Variants in SPDEF observed in about 807,000 individuals in gnomAD.
SPDEF encodes the protein SAM pointed domain containing ETS transcription factor, also known as SAM pointed domain-containing Ets transcription factor.
In SPDEF, 12 loss-of-function variants were observed where a neutral mutation model predicts 36.0. That is an observed-to-expected ratio of 0.33 (90% CI 0.21 to 0.54). SPDEF has a LOEUF of 0.54. Among genes scored for constraint, SPDEF ranks in the 20% least tolerant of loss-of-function variants. SPDEF has a pLI of 0.93. For synonymous variants in SPDEF, 205 were observed against 193.0 expected, an observed-to-expected ratio of 1.06 and a Z score of -0.51; for missense variants, 388 against 456.9, an observed-to-expected ratio of 0.85 and a Z score of 1.37.
chr6:34,552,495 G>T lies in SPDEF; in HGVS notation c.-30+3434C>A, dbSNP rs1359048933. On this transcript the variant is annotated intron_variant, in intron 1 of 5. Transcript: ENST00000374037. This position sits in a 1 kb window ranked among gnomAD's most constrained non-coding sequence, Gnocchi z 4.6. Reference sequence around the variant, plus strand: ...AGAAGGCTTCACTGTCTCCCGAGAGGTGTGTGTCCACAGTGGTGACTGCTG... The same window carrying T: ...AGAAGGCTTCACTGTCTCCCGAGAGTTGTGTGTCCACAGTGGTGACTGCTG... Among the ~76,000 whole-genome samples, 1 of 152,232 alleles carries T rather than the reference G, an allele frequency of 6.6e-6. No individual in the cohort carries two copies. Among genetic ancestry groups the T allele is most frequent in the Non-Finnish European group, 1.5e-5 (1 of 68,044 alleles).
intron 1 of SPDEF, among the ~76,000 whole-genome samples, chr6:34,553,955 G>A (rs904096556): frequency 9.7e-5 from 12 of 123,478 alleles, no homozygotes; most frequent in African/African-American, 3.1e-4. Flanking sequence ...CCAGGAGACC[G>A]GCTGGCAAAT....
At chr6:34,545,725 C>T (rs1486058855) in intron 1 of SPDEF, among the ~76,000 whole-genome samples, 2 of 152,132 alleles carry the variant, frequency 1.3e-5, no homozygotes, top group East Asian at 3.9e-4. Flanking sequence ...GCCTGGCCAA[C>T]ATGGTGAAAC....
intron 2 of SPDEF, among the ~76,000 whole-genome samples, chr6:34,543,763 C>A (rs374137071): frequency 1.3e-5 from 2 of 152,176 alleles, no homozygotes; most frequent in Non-Finnish European, 2.9e-5. Flanking sequence ...GTGGGGGACA[C>A]AGAGCTTGAA....
At chr6:34,549,361 G>T (rs1487914949) in intron 1 of SPDEF, among the ~76,000 whole-genome samples, 1 of 152,178 alleles carries the variant, frequency 6.6e-6, no homozygotes, top group Non-Finnish European at 1.5e-5. Context: ...ATTCCCCCAG[G>T]AAGGAAGATT....
At chr6:34,540,505 T>C (rs1767794516) in intron 3 of SPDEF, among the ~76,000 whole-genome samples, 1 of 150,960 alleles carries the variant, frequency 6.6e-6, no homozygotes, top group African/African-American at 2.4e-5. Context: ...CTTGTAACAG[T>C]GGTTCCCTCT....
chr6:34,539,138 G>A lies in SPDEF; in HGVS notation c.829+112C>T, dbSNP rs1767758535. On this transcript the variant is annotated intron_variant, in intron 5 of 5. Transcript: ENST00000374037. This position sits in a 1 kb window ranked among gnomAD's most constrained non-coding sequence, Gnocchi z 5.2. ...TATTTGGCATCTAGGACAAAGGTGG[G>A]GATCAGCTTCACCCCTCTGCCCGCC... The A allele has an allele frequency of 7.9e-7, 1 of 1,273,418 alleles. No homozygotes were observed. Among genetic ancestry groups the A allele is most frequent in the African/African-American group, 1.5e-5 (1 of 67,424 alleles). 78.9% of individuals were successfully genotyped at this position (1,273,418 alleles called of 1,614,324 possible).
At chr6:34,546,552 A>C (rs1327075261) in intron 1 of SPDEF, among the ~76,000 whole-genome samples, 3 of 152,130 alleles carry the variant, frequency 2.0e-5, no homozygotes, top group Admixed American at 2.0e-4. Flanking sequence ...CAACTCAGAA[A>C]ATGACATCCC....
chr6:34,542,921 C>T (rs553766457), intron 2 of SPDEF, among the ~76,000 whole-genome samples: 7 of 142,674 alleles, frequency 4.9e-5, no homozygotes, highest in Non-Finnish European at 7.6e-5. Context: ...AGGCTGGGCG[C>T]GGTGGCTCAC....
Position 34,538,059 on chromosome 6 carries a change from G to A in SPDEF, c.*215C>T, listed in dbSNP as rs1183173220. On this transcript the variant is annotated 3_prime_UTR_variant, in exon 6 of 6. Transcript: ENST00000374037. The surrounding 1 kb of genome is among the most constrained non-coding windows in gnomAD (Gnocchi z 5.9). ...CCTCTGTCCTCCAGGGGAGCAGCTG[G>A]GCCTGAGGAGGAAGCACCCCTGCCC... is the stretch of plus-strand genomic sequence containing the variant. 3.7e-6 allele frequency: 2 copies of A among 537,204 alleles called. No homozygotes were observed. Among genetic ancestry groups the A allele is most frequent in the Admixed American group, 3.1e-5 (1 of 32,272 alleles). The allele number at this position is 537,204 out of a possible 1,614,324, so 33.3% of individuals were successfully genotyped here.
In SPDEF at chr6:34,538,577, C is replaced by A; in HGVS notation, c.830-125G>T. On this transcript the variant is annotated intron_variant, in intron 5 of 5. Transcript: ENST00000374037. The surrounding 1 kb of genome is among the most constrained non-coding windows in gnomAD (Gnocchi z 5.9). Reference sequence around the variant, plus strand: ...CCCCGTGCAGAGGCCTCCCCCTGCTCGGGTGGGGCGGGGTGTGGGGGCCCA... The same window carrying A: ...CCCCGTGCAGAGGCCTCCCCCTGCTAGGGTGGGGCGGGGTGTGGGGGCCCA... 1.1e-6 allele frequency: 1 copy of A among 937,848 alleles called. No individual in the cohort carries two copies. 58.1% of individuals were successfully genotyped at this position (937,848 alleles called of 1,614,324 possible). A position where few individuals can be genotyped will look rare whatever the true frequency, so the allele number is the denominator to read the frequency against.
chr6:34,551,672 G>C (rs891378200), intron 1 of SPDEF, among the ~76,000 whole-genome samples: 1 of 152,148 alleles, frequency 6.6e-6, no homozygotes, highest in Non-Finnish European at 1.5e-5. Flanking sequence ...CAGGATGAGG[G>C]GTGTGGCTGT....
At chr6:34,546,151 G>A (rs1265411201) in intron 1 of SPDEF, among the ~76,000 whole-genome samples, 1 of 152,212 alleles carries the variant, frequency 6.6e-6, no homozygotes, top group Non-Finnish European at 1.5e-5. Flanking sequence ...CCACCTCGGA[G>A]CTTGCTAGAA....
At chr6:34,553,925 C>G (rs1463481966) in intron 1 of SPDEF, among the ~76,000 whole-genome samples, 6 of 151,384 alleles carry the variant, frequency 4.0e-5, no homozygotes, top group Non-Finnish European at 8.8e-5. Context: ...GCCCCCGCAC[C>G]CGCCACCACC....
chr6:34,552,799 G>A lies in SPDEF; in HGVS notation c.-30+3130C>T, dbSNP rs1429636745. Among the ~76,000 whole-genome samples the A allele has an allele frequency of 6.6e-6, 1 of 152,240 alleles. No individual in the cohort carries two copies. Among genetic ancestry groups the A allele is most frequent in the East Asian group, 1.9e-4 (1 of 5,192 alleles). The stretch of plus-strand genomic sequence containing the variant: ...ATTGCTTCAAACAAGGTTGAGATGG[G>A]TGGGAGTGGGTTATTAAGGGGTTAT... On this transcript the variant is annotated intron_variant, in intron 1 of 5. Coordinates refer to ENST00000374037, the MANE Select transcript of SPDEF (RefSeq NM_012391.3). The surrounding 1 kb of genome is among the most constrained non-coding windows in gnomAD (Gnocchi z 4.6).
At position 34,539,200 on chromosome 6, in the gene SPDEF, C is replaced by A; in HGVS notation, c.829+50G>T. ...GCACCGTGCCTGGCAGAAGCCCCCA[C>A]AACCTCCATGCTCACTGGCCCTGCA... is the stretch of plus-strand genomic sequence containing the variant. On this transcript the variant is annotated intron_variant, in intron 5 of 5. Coordinates refer to ENST00000374037, the MANE Select transcript of SPDEF (RefSeq NM_012391.3). This position sits in a 1 kb window ranked among gnomAD's most constrained non-coding sequence, Gnocchi z 5.2. The A allele has an allele frequency of 1.2e-6, 2 of 1,601,690 alleles. No homozygotes were observed. Among genetic ancestry groups the A allele is most frequent in the Non-Finnish European group, 1.7e-6 (2 of 1,173,202 alleles).
chr6:34,552,845 G>T lies in SPDEF; in HGVS notation c.-30+3084C>A, dbSNP rs1356631720. Among the ~76,000 whole-genome samples the T allele has an allele frequency of 6.6e-6, 1 of 151,984 alleles. No individual in the cohort carries two copies. The highest frequency in any genetic ancestry group is 1.5e-5 in the Non-Finnish European group (1 of 68,036). On this transcript the variant is annotated intron_variant, in intron 1 of 5. Coordinates refer to ENST00000374037, the MANE Select transcript of SPDEF (RefSeq NM_012391.3). The surrounding 1 kb of genome is among the most constrained non-coding windows in gnomAD (Gnocchi z 4.6). Reference sequence around the variant, plus strand: ...GTTATCAGGACCGGTTCCCACCTGTGAAGTGTCAGCAGAGACACATCCCCC... The same window carrying T: ...GTTATCAGGACCGGTTCCCACCTGTTAAGTGTCAGCAGAGACACATCCCCC...
chr6:34,538,217 G>T lies in SPDEF; in HGVS notation c.*57C>A, dbSNP rs1767735090. ...TCCCCCATCTCAGGGCCTGGCTGAG[G>T]CAGGGCAGGCAGGAGAGAGGCCCCT... On this transcript the variant is annotated 3_prime_UTR_variant, in exon 6 of 6. Coordinates refer to ENST00000374037, the MANE Select transcript of SPDEF (RefSeq NM_012391.3). This position sits in a 1 kb window ranked among gnomAD's most constrained non-coding sequence, Gnocchi z 5.9. 2 of 1,543,782 alleles carry T rather than the reference G, an allele frequency of 1.3e-6. No homozygotes were observed. Among genetic ancestry groups the T allele is most frequent in the Non-Finnish European group, 1.8e-6 (2 of 1,129,118 alleles).
intron 1 of SPDEF, among the ~76,000 whole-genome samples, chr6:34,550,377 C>T (rs1252050088): frequency 6.6e-6 from 1 of 152,200 alleles, no homozygotes; most frequent in African/African-American, 2.4e-5. Context: ...GACAGACCAC[C>T]CCGCTGCCCA....
Position 34,544,482 on chromosome 6 carries a change from T to G in SPDEF, c.-27A>C, listed in dbSNP as rs1156714167. 1 of 1,509,086 alleles carries G rather than the reference T, an allele frequency of 6.6e-7. No individual in the cohort carries two copies. Among genetic ancestry groups the G allele is most frequent in the Non-Finnish European group, 8.8e-7 (1 of 1,131,540 alleles). 93.5% of individuals were successfully genotyped at this position (1,509,086 alleles called of 1,614,324 possible). A position where few individuals can be genotyped will look rare whatever the true frequency, so the allele number is the denominator to read the frequency against. ...CCGCTGCTGTTTGGGCTGGCGGCTG[T>G]GTCTACGGAAATGAAAGAGGACTCA... On this transcript the variant is annotated splice_region_variant and 5_prime_UTR_variant, in exon 2 of 6. Transcript: ENST00000374037. The surrounding 1 kb of genome is among the most constrained non-coding windows in gnomAD (Gnocchi z 4.4).
Sources: allele counts gnomAD v4.1 joint callset (sites outside exome capture counted in the v4.1 genomes callset), GRCh38; gene constraint gnomAD v4.1.1; non-coding constraint Gnocchi (gnomAD v3.1); transcripts MANE v1.5; gene names NCBI Gene and HGNC (gene_info 2026-07-23, HGNC 2026-07-21).